JPH4: variants seen among roughly 807,000 people sequenced by gnomAD.
The protein encoded by JPH4 is junctophilin-4.
Under a neutral mutation model 57.6 loss-of-function variants are expected in JPH4, and 18 were observed. The observed-to-expected ratio is 0.31, with a 90% CI of 0.22 to 0.46. The LOEUF is 0.46. JPH4 is among the 20% of genes least tolerant of loss of function. JPH4 has a pLI of 1.00. For missense variants in JPH4, 727 were observed against 911.1 expected, an observed-to-expected ratio of 0.80 and a Z score of 2.60; for synonymous variants, 425 against 406.6, an observed-to-expected ratio of 1.05 and a Z score of -0.54.
In JPH4 at chr14:23,576,066, G is replaced by T. The variant is rs1223518801; in HGVS notation, c.770C>A (p.Pro257Gln). Reference protein sequence around the residue: ...EVSSEVGSTGPPGSEASGPPA... With the variant: ...EVSSEVGSTGQPGSEASGPPA... ...GGGCCCGCTGGCCTCCGAGCCGGGC[G>T]GTCCGGTGCTGCCCACCTCGCTGCT... Residue 257 changes from proline to glutamine, a missense_variant, in exon 3 of 6, where the codon CCG (proline) becomes CAG (glutamine). This residue lies in a region of JPH4 where 131 missense variants were observed against 156.5 expected (regional missense o/e 0.84). Transcript: ENST00000356300. This position sits in a 1 kb window ranked among gnomAD's most constrained non-coding sequence, Gnocchi z 8.0. 4 of 1,312,616 alleles carry T rather than the reference G, an allele frequency of 3.0e-6. No homozygotes were observed. The highest frequency in any genetic ancestry group is 3.9e-6 in the Non-Finnish European group (4 of 1,036,034). 81.3% of individuals were successfully genotyped at this position (1,312,616 alleles called of 1,614,324 possible). A position where few individuals can be genotyped will look rare whatever the true frequency, so the allele number is the denominator to read the frequency against.
chr14:23,570,517 G>A (rs1365604299), intron 5 of JPH4, among the ~76,000 whole-genome samples: 2 of 152,034 alleles, frequency 1.3e-5, no homozygotes, highest in East Asian at 1.9e-4. Flanking sequence ...GACTACAGGC[G>A]CCCGCCACCA....
Position 23,575,359 on chromosome 14 carries a change from G to C in JPH4, c.1151+326C>G. The C allele has an allele frequency of 2.3e-6, 1 of 431,230 alleles. No homozygotes were observed. Among genetic ancestry groups the C allele is most frequent in the African/African-American group, 2.0e-5 (1 of 50,254 alleles). 26.7% of individuals were successfully genotyped at this position (431,230 alleles called of 1,614,324 possible). A position where few individuals can be genotyped will look rare whatever the true frequency, so the allele number is the denominator to read the frequency against. On this transcript the variant is annotated intron_variant, in intron 3 of 5. Coordinates refer to ENST00000356300, the MANE Select transcript of JPH4 (RefSeq NM_001146028.2). The surrounding 1 kb of genome is among the most constrained non-coding windows in gnomAD (Gnocchi z 6.9). ...GTTTTGAGTTCCAAGAGATTTCTGG[G>C]CCTGCACAAAACAGCTTCCTTGCTA...
At position 23,576,413 on chromosome 14, in the gene JPH4, G is replaced by A. The variant is rs753483782; in HGVS notation, c.423C>T (p.Tyr141=). 1.4e-6 allele frequency: 2 copies of A among 1,433,462 alleles called. No homozygotes were observed. The highest frequency in any genetic ancestry group is 3.0e-5 in the East Asian group (1 of 33,756). 88.8% of individuals were successfully genotyped at this position (1,433,462 alleles called of 1,614,324 possible). Residue 141 remains tyrosine (Y), a synonymous_variant, in exon 3 of 6, where the codon TAC becomes TAT. Transcript: ENST00000356300. The surrounding 1 kb of genome is among the most constrained non-coding windows in gnomAD (Gnocchi z 8.0). ...GGTAGGGCACACTCTGGCGTACCCC[G>A]TAGCCGTGGCGCTTCCCGGCCTGCC... is the stretch of plus-strand genomic sequence containing the variant. ...GQWQAGKRHG[Y]GVRQSVPYHQ...
In JPH4 at chr14:23,576,425, C is replaced by T; in HGVS notation, c.411G>A (p.Lys137=). 6.9e-7 allele frequency: 1 copy of T among 1,439,652 alleles called. No homozygotes were observed. The highest frequency in any genetic ancestry group is 9.1e-7 in the Non-Finnish European group (1 of 1,104,566). The allele number at this position is 1,439,652 out of a possible 1,614,324, so 89.2% of individuals were successfully genotyped here. A position where few individuals can be genotyped will look rare whatever the true frequency, so the allele number is the denominator to read the frequency against. Residue 137 remains lysine, a synonymous_variant, in exon 3 of 6, where the codon AAG becomes AAA. Coordinates refer to ENST00000356300, the MANE Select transcript of JPH4 (RefSeq NM_001146028.2). The surrounding 1 kb of genome is among the most constrained non-coding windows in gnomAD (Gnocchi z 8.0). The part of the protein sequence containing the change: ...GTYQGQWQAG[K]RHGYGVRQSV... ...TCTGGCGTACCCCGTAGCCGTGGCG[C>T]TTCCCGGCCTGCCACTGGCCCTGGT... is the stretch of plus-strand genomic sequence containing the variant.
chr14:23,569,565 G>T lies in JPH4; in HGVS notation c.*69C>A, dbSNP rs1262667634. 11 of 989,284 alleles carry T rather than the reference G, an allele frequency of 1.1e-5. No individual in the cohort carries two copies. In the African/African-American group the frequency reaches 1.6e-4, roughly 14 times the overall value. 61.3% of individuals were successfully genotyped at this position (989,284 alleles called of 1,614,324 possible). A position where few individuals can be genotyped will look rare whatever the true frequency, so the allele number is the denominator to read the frequency against. The stretch of plus-strand genomic sequence containing the variant: ...GAAAACACAGCCAGGAAGAGGAGAA[G>T]AGAAAAAAGGCAGGTCAAAGGGGTG... On this transcript the variant is annotated 3_prime_UTR_variant, in exon 6 of 6. Coordinates refer to ENST00000356300, the MANE Select transcript of JPH4 (RefSeq NM_001146028.2). This position sits in a 1 kb window ranked among gnomAD's most constrained non-coding sequence, Gnocchi z 4.8.
chr14:23,570,598 T>C lies in JPH4; in HGVS notation c.1803+330A>G, dbSNP rs1314876232. On this transcript the variant is annotated intron_variant, in intron 5 of 5. Transcript: ENST00000356300. ...ACTGTATTAGCCAGGATGGTCTCGA[T>C]CTCCTGACCTCGTGATCCGCCCACT... Among the ~76,000 whole-genome samples the C allele has an allele frequency of 2.0e-5, 3 of 151,984 alleles. No individual in the cohort carries two copies. In the East Asian group the frequency reaches 5.8e-4, roughly 29 times the overall value.
chr14:23,575,897 C>T lies in JPH4; in HGVS notation c.939G>A (p.Arg313=). 6.4e-7 allele frequency: 1 copy of T among 1,573,146 alleles called. No individual in the cohort carries two copies. The highest frequency in any genetic ancestry group is 8.6e-7 in the Non-Finnish European group (1 of 1,164,304). Residue 313 remains arginine (R), a synonymous_variant, in exon 3 of 6, where the codon CGG becomes CGA. Coordinates refer to ENST00000356300, the MANE Select transcript of JPH4 (RefSeq NM_001146028.2). This position sits in a 1 kb window ranked among gnomAD's most constrained non-coding sequence, Gnocchi z 6.9. ...LRYEGEWLGN[R]RHGYGRTTRP... ...GGGTGGTGCGCCCGTAGCCGTGCCG[C>T]CGGTTGCCCAGCCACTCGCCCTCGT...
chr14:23,572,870 G>C (rs1326883971), intron 3 of JPH4: 2 of 702,482 alleles, frequency 2.8e-6, no homozygotes, highest in Non-Finnish European at 5.2e-6. Context: ...CTGGGAGTCT[G>C]ATCAGTCCTT....
At position 23,575,681 on chromosome 14, in the gene JPH4, C is replaced by T; in HGVS notation, c.1151+4G>A. On this transcript the variant is annotated splice_donor_region_variant and intron_variant, in intron 3 of 5. Transcript: ENST00000356300. This position sits in a 1 kb window ranked among gnomAD's most constrained non-coding sequence, Gnocchi z 6.9. ...CAGCTTTGGCCTCTGAACTGGACGC[C>T]CACCTGGCAGCGGCGATCTCCTGGC... The T allele has an allele frequency of 6.3e-7, 1 of 1,598,190 alleles. No individual in the cohort carries two copies. The highest frequency in any genetic ancestry group is 1.1e-5 in the South Asian group (1 of 88,352).
Position 23,571,276 on chromosome 14 carries a change from G to T in JPH4, c.1455C>A (p.Asp485Glu). 1 of 1,603,764 alleles carries T rather than the reference G, an allele frequency of 6.2e-7. No homozygotes were observed. The highest frequency in any genetic ancestry group is 8.5e-7 in the Non-Finnish European group (1 of 1,174,826). ...ACRSPLPPGG[D>E]QGPFSSPKAW... Reference sequence around the variant, plus strand: ...CTTTGGGGCTGGAGAAGGGACCCTGGTCCCCTCCAGGAGGCAGTGGGCTCC... The same window carrying T: ...CTTTGGGGCTGGAGAAGGGACCCTGTTCCCCTCCAGGAGGCAGTGGGCTCC... The change falls in exon 5 of 6, where the codon GAC becomes GAA. Residue 485 changes from aspartate to glutamate, a missense_variant. Asp to Glu is a conservative substitution (Grantham distance 45). This residue lies in a region of JPH4 where 293 missense variants were observed against 279.8 expected (regional missense o/e 1.05). Transcript: ENST00000356300. This position sits in a 1 kb window ranked among gnomAD's most constrained non-coding sequence, Gnocchi z 4.6.
chr14:23,571,970 T>C lies in JPH4; in HGVS notation c.1152-50A>G. ...TAGCAGAACTTCCCCCACTTCAAGT[T>C]AGTCCCTGCTCAGATGCTCCAGCCC... On this transcript the variant is annotated intron_variant, in intron 3 of 5. Transcript: ENST00000356300. The surrounding 1 kb of genome is among the most constrained non-coding windows in gnomAD (Gnocchi z 4.6). 6.5e-7 allele frequency: 1 copy of C among 1,540,346 alleles called. No homozygotes were observed. The highest frequency in any genetic ancestry group is 8.9e-7 in the Non-Finnish European group (1 of 1,122,306).
rs1356409487 is a variant in JPH4 at position 23,568,831 on chromosome 14, A to T, written c.*803T>A. 22 of 984,268 alleles carry T rather than the reference A, an allele frequency of 2.2e-5. No homozygotes were observed. Among genetic ancestry groups the T allele is most frequent in the Non-Finnish European group, 2.7e-5 (22 of 828,562 alleles). The allele number at this position is 984,268 out of a possible 1,614,324, so 61.0% of individuals were successfully genotyped here. On this transcript the variant is annotated 3_prime_UTR_variant, in exon 6 of 6. Coordinates refer to ENST00000356300, the MANE Select transcript of JPH4 (RefSeq NM_001146028.2). Reference sequence around the variant, plus strand: ...ATGGGGGAGACAGAAGGGTGGGAGAAGTCAGTGGCAAAGTCTGGGCAGGGT... The same window carrying T: ...ATGGGGGAGACAGAAGGGTGGGAGATGTCAGTGGCAAAGTCTGGGCAGGGT...
At position 23,576,970 on chromosome 14, in the gene JPH4, GGGA is replaced by G; in HGVS notation, c.379+102_379+104del. ...TCACATCGATGGGGAATGGTGGCGG[GGGA>G]AAGAAGGATGGGCGCAAGGGCGCAA... On this transcript the variant is annotated intron_variant, in intron 2 of 5. Coordinates refer to ENST00000356300, the MANE Select transcript of JPH4 (RefSeq NM_001146028.2). The surrounding 1 kb of genome is among the most constrained non-coding windows in gnomAD (Gnocchi z 8.0). 1.5e-6 allele frequency: 2 copies of G among 1,313,596 alleles called. No homozygotes were observed. Among genetic ancestry groups the G allele is most frequent in the Non-Finnish European group, 2.0e-6 (2 of 1,001,902 alleles). The allele number at this position is 1,313,596 out of a possible 1,614,324, so 81.4% of individuals were successfully genotyped here.
chr14:23,568,811 G>A lies in JPH4; in HGVS notation c.*823C>T. On this transcript the variant is annotated 3_prime_UTR_variant, in exon 6 of 6. Transcript: ENST00000356300. ...GACCAACCAAATAAACTATTATGGGGGAGACAGAAGGGTGGGAGAAGTCAG... is the reference window on the plus strand; with the variant it reads ...GACCAACCAAATAAACTATTATGGGAGAGACAGAAGGGTGGGAGAAGTCAG... 4 of 985,974 alleles carry A rather than the reference G, an allele frequency of 4.1e-6. No homozygotes were observed. The highest frequency in any genetic ancestry group is 4.8e-6 in the Non-Finnish European group (4 of 830,058). The allele number at this position is 985,974 out of a possible 1,614,324, so 61.1% of individuals were successfully genotyped here. A position where few individuals can be genotyped will look rare whatever the true frequency, so the allele number is the denominator to read the frequency against.
rs1426672787 is a variant in JPH4, at chr14:23,571,055, G to A, written c.1676C>T (p.Pro559Leu). ...GATGGGCTCAGGCTCCGTGCCTGCTGGGGCCCTCAGCGGGGGCAGGGGCTC... is the reference window on the plus strand; with the variant it reads ...GATGGGCTCAGGCTCCGTGCCTGCTAGGGCCCTCAGCGGGGGCAGGGGCTC... ...DEEPLPPLRAPAGTEPEPIAM... is the reference protein window; with the variant it reads ...DEEPLPPLRALAGTEPEPIAM... The change falls in exon 5 of 6, where the codon CCA becomes CTA. Residue 559 changes from proline to leucine, a missense_variant. Physicochemically the swap from Pro to Leu is moderately conservative, Grantham distance 98 (BLOSUM62 -3). Transcript: ENST00000356300. The surrounding 1 kb of genome is among the most constrained non-coding windows in gnomAD (Gnocchi z 4.6). 5 of 1,609,720 alleles carry A rather than the reference G, an allele frequency of 3.1e-6. No individual in the cohort carries two copies. The highest frequency in any genetic ancestry group is 4.2e-6 in the Non-Finnish European group (5 of 1,177,816).
chr14:23,577,720 C>G lies in JPH4; in HGVS notation c.-171-96G>C. 2 of 366,510 alleles carry G rather than the reference C, an allele frequency of 5.5e-6. No individual in the cohort carries two copies. The highest frequency in any genetic ancestry group is 9.7e-6 in the Non-Finnish European group (2 of 205,234). 22.7% of individuals were successfully genotyped at this position (366,510 alleles called of 1,614,324 possible). A position where few individuals can be genotyped will look rare whatever the true frequency, so the allele number is the denominator to read the frequency against. ...GGTGGCTCTGGGGCATCAGCGCCGCCCCCCAATCCACCCCCCTCCTTTGGC... is the reference window on the plus strand; with the variant it reads ...GGTGGCTCTGGGGCATCAGCGCCGCGCCCCAATCCACCCCCCTCCTTTGGC... On this transcript the variant is annotated intron_variant, in intron 1 of 5. Coordinates refer to ENST00000356300, the MANE Select transcript of JPH4 (RefSeq NM_001146028.2). The surrounding 1 kb of genome is among the most constrained non-coding windows in gnomAD (Gnocchi z 8.4).
rs958392470 is a variant in JPH4, at chr14:23,577,084, A to T, written c.370T>A (p.Ser124Thr). 14 of 1,544,214 alleles carry T rather than the reference A, an allele frequency of 9.1e-6. No homozygotes were observed. The highest frequency in any genetic ancestry group is 1.4e-5 in the African/African-American group (1 of 72,220). Residue 124 changes from serine to threonine, a missense_variant, in exon 2 of 6, where the codon TCC becomes ACC. Around this residue, in one of 7 missense-constraint regions of JPH4, gnomAD observed 90 missense variants for 88.1 expected, o/e 1.02. Coordinates refer to ENST00000356300, the MANE Select transcript of JPH4 (RefSeq NM_001146028.2). This position sits in a 1 kb window ranked among gnomAD's most constrained non-coding sequence, Gnocchi z 8.4. ...GGGCCGGGCCCCGCACCTCCGTCGGAGTAGGTCTCAGTGCCGTAGCCGTCC... is the reference window on the plus strand; with the variant it reads ...GGGCCGGGCCCCGCACCTCCGTCGGTGTAGGTCTCAGTGCCGTAGCCGTCC... ...FQDGYGTETY[S>T]DGGTYQGQWQ... is the part of the protein sequence containing the mutation.
Position 23,576,436 on chromosome 14 carries a change from G to C in JPH4, c.400C>G (p.Gln134Glu). Reference protein sequence around the residue: ...SDGGTYQGQWQAGKRHGYGVR... With the variant: ...SDGGTYQGQWEAGKRHGYGVR... ...CCGTAGCCGTGGCGCTTCCCGGCCTGCCACTGGCCCTGGTAGGTGCCTGCG... is the reference window on the plus strand; with the variant it reads ...CCGTAGCCGTGGCGCTTCCCGGCCTCCCACTGGCCCTGGTAGGTGCCTGCG... Residue 134 changes from glutamine (Q) to glutamate (E), a missense_variant, in exon 3 of 6, where the codon CAG (glutamine) becomes GAG (glutamate). Physicochemically the swap from Gln to Glu is conservative, Grantham distance 29. Transcript: ENST00000356300. This position sits in a 1 kb window ranked among gnomAD's most constrained non-coding sequence, Gnocchi z 8.0. 1 of 1,448,312 alleles carries C rather than the reference G, an allele frequency of 6.9e-7. No individual in the cohort carries two copies. The highest frequency in any genetic ancestry group is 2.9e-5 in the East Asian group (1 of 34,710). The allele number at this position is 1,448,312 out of a possible 1,614,324, so 89.7% of individuals were successfully genotyped here.
At position 23,569,762 on chromosome 14, in the gene JPH4, GC is replaced by G; in HGVS notation, c.1804-46del. The G allele has an allele frequency of 7.4e-7, 1 of 1,348,112 alleles. No individual in the cohort carries two copies. The highest frequency in any genetic ancestry group is 1.0e-6 in the Non-Finnish European group (1 of 970,802). The allele number at this position is 1,348,112 out of a possible 1,614,324, so 83.5% of individuals were successfully genotyped here. On this transcript the variant is annotated intron_variant, in intron 5 of 5. Transcript: ENST00000356300. This position sits in a 1 kb window ranked among gnomAD's most constrained non-coding sequence, Gnocchi z 4.8. ...AGCAGACTCAGTCCCCGAGGACAGG[GC>G]CCACCTTCCTGCCCTGACTGAGGTG...
Sources: gnomAD v4.1 joint callset for allele counts (sites outside exome capture counted in the v4.1 genomes callset) on GRCh38, gnomAD v4.1.1 for gene constraint, gnomAD v4.1.1 regional missense constraint, Gnocchi (gnomAD v3.1) non-coding constraint, MANE v1.5 for transcripts, NCBI Gene and HGNC (gene_info 2026-07-23, HGNC 2026-07-21) for gene names.